Variants in NCOR2 observed in about 807,000 individuals in gnomAD.
NCOR2 encodes the protein CTG repeat protein 26.
A neutral mutation model predicts 262.9 loss-of-function variants in NCOR2; 81 were observed. The observed-to-expected ratio is 0.31, with a 90% CI of 0.26 to 0.37. NCOR2 has a LOEUF of 0.37. Among genes scored for constraint, NCOR2 ranks in the 10% least tolerant of loss-of-function variants. NCOR2 has a pLI of 1.00. For missense variants in NCOR2, 3,385 were observed against 3,621.4 expected (o/e 0.93, Z 1.68); for synonymous variants, 1,659 against 1,559.3 (o/e 1.06, Z -1.51).
chr12:124,501,298 TC>T (rs1479589210), intron 1 of NCOR2, among the ~76,000 whole-genome samples: 1 of 151,800 alleles, frequency 6.6e-6, no homozygotes, highest in East Asian at 1.9e-4. Context: ...TTTGTTCCAC[TC>T]ACTGTGGAAT....
intron 13 of NCOR2, among the ~76,000 whole-genome samples, chr12:124,412,787 G>C (rs528665132): frequency 6.6e-6 from 1 of 152,246 alleles, no homozygotes; most frequent in African/African-American, 2.4e-5. Flanking sequence ...CTTGGATCTC[G>C]GCCTTATTGT....
At chr12:124,555,460 C>T (rs1450544839) in intron 1 of NCOR2, among the ~76,000 whole-genome samples, 3 of 152,210 alleles carry the variant, frequency 2.0e-5, no homozygotes, top group Admixed American at 1.3e-4. Context: ...TGACAACGTC[C>T]GCAGGATGTA....
chr12:124,495,243 T>G lies in NCOR2; in HGVS notation c.9A>C (p.Gly3=), dbSNP rs872225. The G allele has an allele frequency of 0.17, 272,052 of 1,612,198 alleles. 23,694 individuals carry two copies. Among genetic ancestry groups the G allele is most frequent in the East Asian group, 0.2 (8,776 of 44,842 alleles). Residue 3 remains glycine, a synonymous_variant, in exon 1 of 47, where the codon GGA becomes GGC. Coordinates refer to ENST00000405201, the Ensembl canonical transcript of NCOR2. The surrounding 1 kb of genome is among the most constrained non-coding windows in gnomAD (Gnocchi z 4.4). ...ACGTCTGTGCCACAGGCTGTGTGGA[T>G]CCCGACATGGTGGTGGGGGTCGGCG...
At chr12:124,467,151 A>C (rs1427662997) in intron 4 of NCOR2, among the ~76,000 whole-genome samples, 7 of 91,418 alleles carry the variant, frequency 7.7e-5, no homozygotes, top group Admixed American at 1.4e-4. Context: ...CACCCCCATC[A>C]TCCTCTTCCT....
chr12:124,398,298 C>T, intron 15 of NCOR2, 117 bp from the exon 18 acceptor site: 2 of 1,133,578 alleles, frequency 1.8e-6, no homozygotes, highest in East Asian at 4.8e-5. Context: ...GGTGTCACCG[C>T]ACGGCTCTGA....
intron 13 of NCOR2, among the ~76,000 whole-genome samples, chr12:124,410,217 G>C (rs2042498484): frequency 6.8e-6 from 1 of 147,240 alleles, no homozygotes; most frequent in Non-Finnish European, 1.5e-5. Context: ...TCTGCTGCCT[G>C]GGGAGCGCTC....
exon 15 of NCOR2, chr12:124,400,639 C>T (rs2041941988): frequency 3.1e-6 from 5 of 1,614,198 alleles, no homozygotes; most frequent in South Asian, 1.1e-5. Flanking sequence ...TCCTTCTCGT[C>T]GTTGTCCTCC....
At position 124,550,114 on chromosome 12, in the gene NCOR2, A is replaced by G. The variant is rs118086570; in HGVS notation, c.-164-14503T>C. ...CTGAGGTGCTACTGGGGTCTGGTGG[A>G]TGGAAGCAGGGGTGTTGCCCAGAGC... is the stretch of plus-strand genomic sequence containing the variant. On this transcript the variant is annotated intron_variant, in intron 1 of 32. Transcript: ENST00000458234. Among the ~76,000 whole-genome samples the G allele has an allele frequency of 0.014, 2,142 of 152,152 alleles. 134 individuals carry two copies. In the East Asian group the frequency reaches 0.18, roughly 13 times the overall value.
chr12:124,333,162 C>A (rs1350268882), exon 42 of NCOR2: 12 of 1,611,780 alleles, frequency 7.4e-6, no homozygotes, highest in Non-Finnish European at 9.3e-6. Flanking sequence ...CCCGGTACAG[C>A]AGCGGGTACA....
At chr12:124,413,405 C>T (rs12317001) in intron 13 of NCOR2, among the ~76,000 whole-genome samples, 1 of 152,346 alleles carries the variant, frequency 6.6e-6, no homozygotes, top group South Asian at 2.1e-4. Flanking sequence ...CCCTGGCATA[C>T]AGTAGGCACT....
At position 124,517,545 on chromosome 12, in the gene NCOR2, C is replaced by T. The variant is rs761695961; in HGVS notation, c.-118+18020G>A. Among the ~76,000 whole-genome samples the T allele has an allele frequency of 1.1e-4, 16 of 152,312 alleles. No individual in the cohort carries two copies. Among genetic ancestry groups the T allele is most frequent in the East Asian group, 1.9e-4 (1 of 5,166 alleles). ...GCCGGGCGCCGGGGCCGGGCTGCAGCGCTGCCTGCACCTGGCTCTCCCCTG... is the reference window on the plus strand; with the variant it reads ...GCCGGGCGCCGGGGCCGGGCTGCAGTGCTGCCTGCACCTGGCTCTCCCCTG... On this transcript the variant is annotated intron_variant, in intron 1 of 46. Transcript: ENST00000404621. This position sits in a 1 kb window ranked among gnomAD's most constrained non-coding sequence, Gnocchi z 7.6.
At chr12:124,487,266 C>T (rs2047814640) in intron 1 of NCOR2, among the ~76,000 whole-genome samples, 1 of 152,190 alleles carries the variant, frequency 6.6e-6, no homozygotes, top group African/African-American at 2.4e-5. Context: ...GTGATGGCGA[C>T]AAACACCCGA....
In NCOR2 at chr12:124,491,312, T is replaced by C. The variant is rs981469708; in HGVS notation, c.105+3835A>G. On this transcript the variant is annotated intron_variant, in intron 1 of 46. Transcript: ENST00000405201. ...ATCAAATGTCTGCTTACTCTGTCCA[T>C]ACCCTGTGCGAAGGACTCTGCACCT... 1.3e-4 allele frequency among the ~76,000 whole-genome samples: 20 copies of C among 152,378 alleles called. 1 individual carries two copies. Among genetic ancestry groups the C allele is most frequent in the Admixed American group, 1.2e-3 (18 of 15,310 alleles).
At chr12:124,418,349 A>G (rs547867089) in intron 13 of NCOR2, among the ~76,000 whole-genome samples, 1 of 152,274 alleles carries the variant, frequency 6.6e-6, no homozygotes, top group South Asian at 2.1e-4. Flanking sequence ...CGTTTCCCTC[A>G]TGGGAGTTTT....
intron 13 of NCOR2, among the ~76,000 whole-genome samples, chr12:124,415,961 A>G (rs996347689): frequency 5.3e-5 from 8 of 152,078 alleles, no homozygotes; most frequent in Non-Finnish European, 1.2e-4. Flanking sequence ...TGGCATATAC[A>G]GTGTTGAGCT....
At chr12:124,506,982 G>C (rs757766271) in intron 1 of NCOR2, among the ~76,000 whole-genome samples, 1 of 152,196 alleles carries the variant, frequency 6.6e-6, no homozygotes, top group African/African-American at 2.4e-5. Context: ...GGATGCGGAC[G>C]GGGTTGGGGT....
chr12:124,388,746 C>A, intron 16 of NCOR2: 2 of 1,304,204 alleles, frequency 1.5e-6, no homozygotes, highest in South Asian at 1.2e-5. Flanking sequence ...TGGGAAGATG[C>A]CCCAGGGAGC....
exon 22 of NCOR2, chr12:124,362,146 G>T: frequency 7.7e-7 from 1 of 1,302,700 alleles, no homozygotes; most frequent in East Asian, 2.8e-5. Context: ...GGCGGGGGGT[G>T]CCGGGCTCCT....
intron 20 of NCOR2, among the ~76,000 whole-genome samples, chr12:124,365,870 A>T (rs1182594796): frequency 1.3e-5 from 2 of 151,922 alleles, no homozygotes; most frequent in African/African-American, 4.8e-5. Context: ...AGGTACCCTG[A>T]CCCAGGTCCA....
Sources: allele counts gnomAD v4.1 joint callset (sites outside exome capture counted in the v4.1 genomes callset), GRCh38; gene constraint gnomAD v4.1.1; non-coding constraint Gnocchi (gnomAD v3.1); transcripts MANE v1.5; gene names NCBI Gene and HGNC (gene_info 2026-07-23, HGNC 2026-07-21).